Variants in CAMTA1 observed in about 807,000 individuals in gnomAD.
The protein encoded by CAMTA1 is calmodulin binding transcription activator 1.
Under a neutral mutation model 170.9 loss-of-function variants are expected in CAMTA1, and 27 were observed. The observed-to-expected ratio is 0.16, with a 90% confidence interval of 0.12 to 0.22. The LOEUF (loss-of-function observed/expected upper bound fraction) is 0.22, where lower values mean the gene tolerates loss of function less well. Ranked by LOEUF, CAMTA1 falls within the 10% of genes least tolerant of loss-of-function variation. The pLI is 1.00. For synonymous variants in CAMTA1, 833 were observed against 891.5 expected (o/e 0.93, Z 1.17); for missense variants, 1,619 against 2,217.2 (o/e 0.73, Z 5.42).
chr1:7,554,337 T>C (rs1468323175), intron 6 of CAMTA1, among the ~76,000 whole-genome samples: 1 of 152,182 alleles, frequency 6.6e-6, no homozygotes, highest in African/African-American at 2.4e-5. Context: ...AGAGACCTAG[T>C]ATGTGCCAAA....
At chr1:6,878,900 TAGTTGATACA>T (rs1670680595) in intron 3 of CAMTA1, among the ~76,000 whole-genome samples, 1 of 152,228 alleles carries the variant, frequency 6.6e-6, no homozygotes, top group Admixed American at 6.5e-5. Flanking sequence ...GATTACATAC[TAGTTGATACA>T]AGTATGTTTT....
chr1:7,641,194 G>A lies in CAMTA1; in HGVS notation c.664+641G>A, dbSNP rs112411309. ...TCCCGGCAGCCGCTGGCGGCTCTCA[G>A]TGGCTTCTCCTGCCCCCTGTTCAGC... On this transcript the variant is annotated intron_variant, in intron 7 of 22. Transcript: ENST00000303635. This position sits in a 1 kb window ranked among gnomAD's most constrained non-coding sequence, Gnocchi z 4.5. 0.02 allele frequency among the ~76,000 whole-genome samples: 2,999 copies of A among 152,354 alleles called. 98 individuals carry two copies. The highest frequency in any genetic ancestry group is 0.068 in the African/African-American group (2,822 of 41,572).
At chr1:7,723,100 G>C (rs1019037685) in intron 11 of CAMTA1, among the ~76,000 whole-genome samples, 1 of 151,924 alleles carries the variant, frequency 6.6e-6, no homozygotes, top group African/African-American at 2.4e-5. Context: ...CAATAGCAAT[G>C]AACGCTCAGC....
intron 3 of CAMTA1, among the ~76,000 whole-genome samples, chr1:6,959,521 C>T (rs998718845): frequency 7.2e-5 from 11 of 152,110 alleles, no homozygotes; most frequent in Admixed American, 1.3e-4. Context: ...ATGGTGGGGC[C>T]GCAAGTGCCA....
At chr1:7,241,784 C>A (rs1341080102) in intron 4 of CAMTA1, among the ~76,000 whole-genome samples, 1 of 152,120 alleles carries the variant, frequency 6.6e-6, no homozygotes, top group Non-Finnish European at 1.5e-5. Context: ...TTATCTCACA[C>A]CATATGCAAA....
rs1469422272 is a variant in CAMTA1, at chr1:7,300,526, A to T, written c.438+50900A>T. On this transcript the variant is annotated intron_variant, in intron 5 of 22. Transcript: ENST00000303635. The surrounding 1 kb of genome is among the most constrained non-coding windows in gnomAD (Gnocchi z 4.1). The stretch of plus-strand genomic sequence containing the variant: ...ACCCCGTCTCTACTAAAAATACAAA[A>T]ATTAGTCAGGCCTGGTGGTAGGCAT... Among the ~76,000 whole-genome samples the T allele has an allele frequency of 6.6e-6, 1 of 152,110 alleles. No individual in the cohort carries two copies. Among genetic ancestry groups the T allele is most frequent in the African/African-American group, 2.4e-5 (1 of 41,400 alleles).
chr1:7,091,312 A>T lies in CAMTA1; in HGVS notation c.243A>T (p.Ala81=). 6.2e-7 allele frequency: 1 copy of T among 1,607,878 alleles called. No homozygotes were observed. Among genetic ancestry groups the T allele is most frequent in the African/African-American group, 1.3e-5 (1 of 74,938 alleles). ...RHRWNTNEEI[A]AYLITFEKHE... ...TTATTCTTCTGTTTCAGGAAATTGCAGCTTATTTAATAACATTTGAGAAAC... is the reference window on the plus strand; with the variant it reads ...TTATTCTTCTGTTTCAGGAAATTGCTGCTTATTTAATAACATTTGAGAAAC... Residue 81 remains alanine (A), a synonymous_variant, in exon 4 of 23, where the codon GCA becomes GCT. Coordinates refer to ENST00000303635, the MANE Select transcript of CAMTA1 (RefSeq NM_015215.4).
At chr1:7,518,043 G>A (rs751032247) in intron 6 of CAMTA1, among the ~76,000 whole-genome samples, 4 of 151,956 alleles carry the variant, frequency 2.6e-5, no homozygotes, top group Non-Finnish European at 4.4e-5. Flanking sequence ...TCTCCCACTG[G>A]GGGACAAGAG....
In CAMTA1 at chr1:7,759,866, T is replaced by C. The variant is rs1376499953; in HGVS notation, c.4989+4198T>C. Among the ~76,000 whole-genome samples the C allele has an allele frequency of 4.6e-5, 7 of 152,364 alleles. No homozygotes were observed. The South Asian group carries it at 1.5e-3, about 32-fold the overall frequency. ...CCTGTTTTTCTAGACAGAAAATGTCTTTCCACTTCTCTAAGACATTTATTT... is the reference window on the plus strand; with the variant it reads ...CCTGTTTTTCTAGACAGAAAATGTCCTTCCACTTCTCTAAGACATTTATTT... On this transcript the variant is annotated intron_variant, in intron 22 of 22. Coordinates refer to ENST00000303635, the MANE Select transcript of CAMTA1 (RefSeq NM_015215.4).
At chr1:7,703,956 G>A (rs988956535) in intron 11 of CAMTA1, among the ~76,000 whole-genome samples, 10 of 152,060 alleles carry the variant, frequency 6.6e-5, no homozygotes, top group African/African-American at 1.7e-4. Flanking sequence ...AAGGGTGGGC[G>A]GAGCCTGCAC....
intron 2 of CAMTA1, among the ~76,000 whole-genome samples, chr1:6,823,119 C>T (rs1037985747): frequency 6.6e-6 from 1 of 151,972 alleles, no homozygotes; most frequent in Admixed American, 6.6e-5. Context: ...TTTAGAATTT[C>T]ACCTCTATTT....
intron 11 of CAMTA1, among the ~76,000 whole-genome samples, chr1:7,722,825 G>A (rs1436973778): frequency 6.6e-6 from 1 of 152,124 alleles, no homozygotes; most frequent in South Asian, 2.1e-4. Flanking sequence ...GCTCATGCCT[G>A]TAATTGCAGC....
chr1:7,678,895 G>A (rs908557228), intron 11 of CAMTA1, among the ~76,000 whole-genome samples: 1 of 152,202 alleles, frequency 6.6e-6, no homozygotes, highest in African/African-American at 2.4e-5. Flanking sequence ...GGATTTCTGG[G>A]CTTGGGTACA....
chr1:7,231,769 C>T (rs1347666525), intron 4 of CAMTA1, among the ~76,000 whole-genome samples: 3 of 152,218 alleles, frequency 2.0e-5, no homozygotes, highest in Non-Finnish European at 2.9e-5. Context: ...CAGCCTCCCT[C>T]GGGTCACTGC....
chr1:7,715,211 G>C (rs570627570), intron 11 of CAMTA1, among the ~76,000 whole-genome samples: 4 of 152,136 alleles, frequency 2.6e-5, no homozygotes, highest in African/African-American at 9.7e-5. Flanking sequence ...ATCAGGAAAA[G>C]GGGGGAAGAG....
intron 4 of CAMTA1, among the ~76,000 whole-genome samples, chr1:7,148,953 G>A (rs535855116): frequency 6.6e-6 from 1 of 152,394 alleles, no homozygotes; most frequent in South Asian, 2.1e-4. Flanking sequence ...ATGGAGCACA[G>A]AGAAGGCCTT....
intron 9 of CAMTA1, among the ~76,000 whole-genome samples, chr1:7,667,266 A>C (rs992157698): frequency 3.6e-4 from 55 of 151,416 alleles, no homozygotes; most frequent in African/African-American, 1.3e-3. Context: ...ACCCCACCCC[A>C]TGAAGGCCAG....
At chr1:7,060,540 T>C (rs964661074) in intron 3 of CAMTA1, among the ~76,000 whole-genome samples, 3 of 152,220 alleles carry the variant, frequency 2.0e-5, no homozygotes, top group African/African-American at 7.2e-5. Flanking sequence ...CAGTTCAGTC[T>C]GTGACAGTTC....
intron 5 of CAMTA1, among the ~76,000 whole-genome samples, chr1:7,434,114 G>T (rs1335672323): frequency 6.6e-6 from 1 of 151,858 alleles, no homozygotes; most frequent in African/African-American, 2.4e-5. Context: ...CCCTCCCCAA[G>T]CATCCATGCC....
Sources: gnomAD v4.1 joint callset for allele counts (sites outside exome capture counted in the v4.1 genomes callset) on GRCh38, gnomAD v4.1.1 for gene constraint, Gnocchi (gnomAD v3.1) non-coding constraint, MANE v1.5 for transcripts, NCBI Gene and HGNC (gene_info 2026-07-23, HGNC 2026-07-21) for gene names.